CDH13: variants seen among roughly 807,000 people sequenced by gnomAD.
CDH13 encodes cadherin 13, also known as cadherin-13.
Under a neutral mutation model 63.8 loss-of-function variants are expected in CDH13, and 24 were observed. The observed-to-expected ratio is 0.38, with a 90% CI of 0.27 to 0.53. CDH13 has a LOEUF of 0.53. Among genes scored for constraint, CDH13 ranks in the 20% least tolerant of loss-of-function variants. The pLI is 0.85. For synonymous variants in CDH13, 503 were observed against 355.3 expected (o/e 1.42, Z -4.67); for missense variants, 1,049 against 903.1 (o/e 1.16, Z -2.07).
chr16:82,858,031 G>T (rs1397419993), intron 1 of CDH13, among the ~76,000 whole-genome samples: 2 of 152,140 alleles, frequency 1.3e-5, no homozygotes, highest in African/African-American at 4.8e-5. Flanking sequence ...GTTGGTTTTA[G>T]CTTAGGCATC....
chr16:83,496,894 A>G (rs1213030689), intron 7 of CDH13, among the ~76,000 whole-genome samples: 1 of 152,244 alleles, frequency 6.6e-6, no homozygotes, highest in African/African-American at 2.4e-5. Context: ...TATGCAGCCA[A>G]AAAACACATG....
In CDH13 at chr16:83,333,899, C is replaced by T. The variant is rs534048035; in HGVS notation, c.637-10963C>T. On this transcript the variant is annotated intron_variant, in intron 5 of 13. Transcript: ENST00000567109. ...CCACTGTATTAATGTCCTATGGCTGCTGTAGTAAATTACCACACAGTGACT... is the reference window on the plus strand; with the variant it reads ...CCACTGTATTAATGTCCTATGGCTGTTGTAGTAAATTACCACACAGTGACT... 9.2e-5 allele frequency among the ~76,000 whole-genome samples: 14 copies of T among 152,280 alleles called. No homozygotes were observed. The East Asian group carries it at 2.7e-3, about 29-fold the overall frequency.
chr16:83,618,258 C>T (rs890719677), intron 8 of CDH13, among the ~76,000 whole-genome samples: 1 of 151,570 alleles, frequency 6.6e-6, no homozygotes, highest in Non-Finnish European at 1.5e-5. Context: ...AACCTTGTCT[C>T]TACTAAAATA....
intron 8 of CDH13, among the ~76,000 whole-genome samples, chr16:83,620,816 T>C (rs977281062): frequency 2.6e-5 from 4 of 152,194 alleles, no homozygotes; most frequent in African/African-American, 9.6e-5. Flanking sequence ...GAGACGTCTC[T>C]CCTTCAAGTT....
chr16:83,355,173 C>G (rs901237641), intron 6 of CDH13, among the ~76,000 whole-genome samples: 6 of 152,118 alleles, frequency 3.9e-5, no homozygotes, highest in Admixed American at 3.9e-4. Context: ...TTTCAATGTT[C>G]TAGGCATGAG....
At chr16:83,732,606 A>G (rs780591449) in intron 10 of CDH13, among the ~76,000 whole-genome samples, 1 of 152,200 alleles carries the variant, frequency 6.6e-6, no homozygotes, top group Non-Finnish European at 1.5e-5. Context: ...ATCCAGAAAG[A>G]TGATAGCAGA....
At chr16:83,194,497 T>A (rs1700887195) in intron 4 of CDH13, among the ~76,000 whole-genome samples, 1 of 152,214 alleles carries the variant, frequency 6.6e-6, no homozygotes, top group South Asian at 2.1e-4. Flanking sequence ...TTCCAAGCTG[T>A]CACTGATTAT....
At chr16:82,873,869 G>C (rs980929876) in intron 2 of CDH13, among the ~76,000 whole-genome samples, 1 of 152,082 alleles carries the variant, frequency 6.6e-6, no homozygotes, top group Non-Finnish European at 1.5e-5. Context: ...CTTCTTCTGA[G>C]ACTCTCTTTT....
chr16:82,757,656 T>C (rs1007948271), intron 1 of CDH13, among the ~76,000 whole-genome samples: 1 of 102,956 alleles, frequency 9.7e-6, no homozygotes, highest in African/African-American at 2.7e-5. Flanking sequence ...TGTTTTTTTT[T>C]TTTTTGGGGA....
intron 2 of CDH13, among the ~76,000 whole-genome samples, chr16:82,894,671 T>C (rs2041192035): frequency 7.0e-6 from 1 of 143,338 alleles, no homozygotes; most frequent in Non-Finnish European, 1.5e-5. Flanking sequence ...AACAATAATA[T>C]AATTCAGGTA....
At chr16:83,117,622 C>G (rs909026460) in intron 3 of CDH13, among the ~76,000 whole-genome samples, 1 of 152,024 alleles carries the variant, frequency 6.6e-6, no homozygotes, top group African/African-American at 2.4e-5. Flanking sequence ...TAGAATTATA[C>G]CTGGCAGAGA....
chr16:83,093,095 C>G (rs1343306875), intron 3 of CDH13, among the ~76,000 whole-genome samples: 1 of 152,116 alleles, frequency 6.6e-6, no homozygotes. Flanking sequence ...TCTAGACTCA[C>G]TCAACCTCCA....
chr16:83,512,410 C>T (rs1480912463), intron 7 of CDH13, among the ~76,000 whole-genome samples: 2 of 149,636 alleles, frequency 1.3e-5, no homozygotes, highest in African/African-American at 4.9e-5. Context: ...GTGGCTCATG[C>T]CTGTAATCCC....
chr16:83,561,491 C>T (rs886465172), intron 7 of CDH13, among the ~76,000 whole-genome samples: 2 of 150,736 alleles, frequency 1.3e-5, no homozygotes, highest in Admixed American at 6.6e-5. Flanking sequence ...TTTTCCTCCT[C>T]TTCTGCAAGG....
chr16:83,395,145 C>G (rs1188660520), intron 6 of CDH13, among the ~76,000 whole-genome samples: 1 of 43,070 alleles, frequency 2.3e-5, no homozygotes, highest in Non-Finnish European at 4.4e-5. Flanking sequence ...GAGACTCCAT[C>G]TCAAAAAAAA....
intron 1 of CDH13, among the ~76,000 whole-genome samples, chr16:82,826,957 G>C (rs78201742): frequency 0.022 from 3,386 of 152,216 alleles, 122 homozygotes; most frequent in African/African-American, 0.077. Flanking sequence ...GCACAATTGA[G>C]CTAATTACAG....
At chr16:83,392,962 A>G (rs533982409) in intron 6 of CDH13, among the ~76,000 whole-genome samples, 91 of 152,124 alleles carry the variant, frequency 6.0e-4, no homozygotes, top group African/African-American at 2.1e-3. Flanking sequence ...GGAGAGGCCC[A>G]GGGGAGGGCA....
chr16:82,979,663 C>T (rs1455572738), intron 2 of CDH13, among the ~76,000 whole-genome samples: 2 of 152,146 alleles, frequency 1.3e-5, no homozygotes, highest in Non-Finnish European at 1.5e-5. Flanking sequence ...AATTGTGAGT[C>T]AATTAAACCT....
chr16:83,739,130 A>G (rs1044296271), intron 10 of CDH13, among the ~76,000 whole-genome samples: 3 of 152,138 alleles, frequency 2.0e-5, no homozygotes, highest in African/African-American at 7.2e-5. Flanking sequence ...CTCTTAGCTG[A>G]TAAGAGTGAC....
Sources: gnomAD v4.1 joint callset for allele counts (sites outside exome capture counted in the v4.1 genomes callset) on GRCh38, gnomAD v4.1.1 for gene constraint, MANE v1.5 for transcripts, NCBI Gene and HGNC (gene_info 2026-07-23, HGNC 2026-07-21) for gene names.